SLC22A23: variants seen among roughly 807,000 people sequenced by gnomAD.
The protein encoded by SLC22A23 is ion transporter protein.
Under a neutral mutation model 61.0 loss-of-function variants are expected in SLC22A23, and 26 were observed. The ratio of observed to expected loss-of-function variants is 0.43; its 90% CI spans 0.31 to 0.59. SLC22A23 has a LOEUF of 0.59. Ranked by LOEUF, SLC22A23 falls within the 20% of genes least tolerant of loss-of-function variation. SLC22A23 has a pLI of 0.11. For synonymous variants in SLC22A23, 430 were observed against 413.9 expected (o/e 1.04, Z -0.47); for missense variants, 796 against 934.7 (o/e 0.85, Z 1.94).
Position 3,286,171 on chromosome 6 carries a change from T to C in SLC22A23, c.1546+688A>G, listed in dbSNP as rs1333744873. On this transcript the variant is annotated intron_variant, in intron 7 of 9. Coordinates refer to ENST00000406686, the MANE Select transcript of SLC22A23 (RefSeq NM_015482.2). The surrounding 1 kb of genome is among the most constrained non-coding windows in gnomAD (Gnocchi z 4.2). ...TGGAGTGCAGTGCTGCGATCTCAGCTTACTGCAACCTCTGCCTCCCAAGTT... is the reference window on the plus strand; with the variant it reads ...TGGAGTGCAGTGCTGCGATCTCAGCCTACTGCAACCTCTGCCTCCCAAGTT... Among the ~76,000 whole-genome samples the C allele has an allele frequency of 2.6e-5, 4 of 152,042 alleles. No homozygotes were observed. The highest frequency in any genetic ancestry group is 5.9e-5 in the Non-Finnish European group (4 of 67,990).
At chr6:3,420,232 GAAAA>G (rs34794008) in intron 1 of SLC22A23, among the ~76,000 whole-genome samples, 1 of 102,698 alleles carries the variant, frequency 9.7e-6, no homozygotes, top group African/African-American at 3.6e-5. Context: ...AGCAAAATGA[GAAAA>G]AAAAAAAAAA....
intron 2 of SLC22A23, among the ~76,000 whole-genome samples, chr6:3,411,690 T>A (rs1366514118): frequency 1.3e-5 from 2 of 151,814 alleles, no homozygotes; most frequent in Non-Finnish European, 2.9e-5. Context: ...TTTAAGAAAA[T>A]ACAGGGAAAG....
At chr6:3,422,172 A>G (rs1481632086) in intron 1 of SLC22A23, among the ~76,000 whole-genome samples, 4 of 152,338 alleles carry the variant, frequency 2.6e-5, no homozygotes, top group South Asian at 4.1e-4. Flanking sequence ...AGTAAAACAA[A>G]GTTCCTGACT....
At chr6:3,431,197 G>A (rs1443245668) in intron 1 of SLC22A23, among the ~76,000 whole-genome samples, 1 of 152,228 alleles carries the variant, frequency 6.6e-6, no homozygotes, top group Non-Finnish European at 1.5e-5. Flanking sequence ...TGAGTGAGAT[G>A]GGCGTGGGGG....
intron 3 of SLC22A23, among the ~76,000 whole-genome samples, chr6:3,374,477 G>T (rs1379137656): frequency 6.6e-6 from 1 of 152,232 alleles, no homozygotes; most frequent in Non-Finnish European, 1.5e-5. Context: ...CATGAGCAAA[G>T]TGCTGGAGCC....
intron 1 of SLC22A23, among the ~76,000 whole-genome samples, chr6:3,448,355 A>G (rs1464834605): frequency 6.6e-6 from 1 of 152,224 alleles, no homozygotes; most frequent in Non-Finnish European, 1.5e-5. Flanking sequence ...AGCTGCCAGC[A>G]TGACATTACT....
intron 6 of SLC22A23, 46 bp downstream of exon 6, chr6:3,289,718 C>A: frequency 6.5e-7 from 1 of 1,535,256 alleles, no homozygotes; most frequent in Non-Finnish European, 9.0e-7. Flanking sequence ...CCACCTTCTT[C>A]CCTGGCCCCC....
intron 9 of SLC22A23, 85 bp from the exon 10 acceptor site, chr6:3,273,497 C>T (rs544341695): frequency 1.6e-5 from 23 of 1,465,358 alleles, no homozygotes; most frequent in Non-Finnish European, 2.0e-5. Context: ...CAGGAAGCCA[C>T]CTCTGCAGGG....
chr6:3,438,479 C>T, intron 1 of SLC22A23: 1 of 456,372 alleles, frequency 2.2e-6, no homozygotes, highest in Non-Finnish European at 4.4e-6. Context: ...GTAAACAGTG[C>T]TTACGTTCAG....
Position 3,272,287 on chromosome 6 carries a change from A to C in SLC22A23, c.*768T>G, listed in dbSNP as rs1484003306. The C allele has an allele frequency of 6.5e-6, 1 of 152,776 alleles. No homozygotes were observed. Among genetic ancestry groups the C allele is most frequent in the East Asian group, 1.9e-4 (1 of 5,332 alleles). 9.5% of individuals were successfully genotyped at this position (152,776 alleles called of 1,614,324 possible). On this transcript the variant is annotated 3_prime_UTR_variant, in exon 10 of 10. Transcript: ENST00000406686. ...GGAGGAATAAAAACGAGCACATCTC[A>C]GGTCTCGACGCATCTGTTAGCTGTG...
chr6:3,395,697 A>G (rs538321048), intron 3 of SLC22A23, among the ~76,000 whole-genome samples: 10 of 152,314 alleles, frequency 6.6e-5, no homozygotes, highest in Non-Finnish European at 1.0e-4. Context: ...AATCACTGCC[A>G]TCTCAGATGG....
intron 3 of SLC22A23, among the ~76,000 whole-genome samples, chr6:3,332,145 G>T (rs796832679): frequency 1.6e-4 from 24 of 152,324 alleles, no homozygotes; most frequent in African/African-American, 5.8e-4. Flanking sequence ...ATTACTTCAA[G>T]CTCTGTCCCA....
chr6:3,278,700 T>C (rs1483433245), intron 9 of SLC22A23, among the ~76,000 whole-genome samples: 3 of 152,224 alleles, frequency 2.0e-5, no homozygotes. Context: ...AATCCTTCTG[T>C]AAGATGAAGA....
chr6:3,422,361 T>C (rs1159057046), intron 1 of SLC22A23, among the ~76,000 whole-genome samples: 1 of 151,996 alleles, frequency 6.6e-6, no homozygotes, highest in South Asian at 2.1e-4. Flanking sequence ...GGAAGATGAG[T>C]CACAGACGGA....
rs1322264363 is a variant in SLC22A23, at chr6:3,324,791, AAC to A, written c.914-791_914-790del. On this transcript the variant is annotated intron_variant, in intron 3 of 9. Transcript: ENST00000406686. This position sits in a 1 kb window ranked among gnomAD's most constrained non-coding sequence, Gnocchi z 4.3. ...TCATCTTTGTAGCTCCAAAACCAAA[AAC>A]AGTGTCTATTTTCAACAAATGACCA... Among the ~76,000 whole-genome samples, 2 of 152,232 alleles carry A rather than the reference AAC, an allele frequency of 1.3e-5. No individual in the cohort carries two copies. Among genetic ancestry groups the A allele is most frequent in the Non-Finnish European group, 2.9e-5 (2 of 68,038 alleles).
intron 1 of SLC22A23, among the ~76,000 whole-genome samples, chr6:3,418,673 A>T (rs1055776760): frequency 2.6e-5 from 4 of 152,234 alleles, no homozygotes; most frequent in Admixed American, 1.3e-4. Flanking sequence ...AGAGCAAGGC[A>T]GCCACCTGCT....
chr6:3,438,640 C>A, intron 1 of SLC22A23: 1 of 408,280 alleles, frequency 2.4e-6, no homozygotes, highest in Non-Finnish European at 4.9e-6. Context: ...CTTTTACTTC[C>A]AAACAAACGT....
chr6:3,276,631 C>G (rs918273811), intron 9 of SLC22A23: 2 of 152,366 alleles, frequency 1.3e-5, no homozygotes, highest in Non-Finnish European at 2.9e-5. Flanking sequence ...GTCTGGTGCT[C>G]GCTCTGTGAG....
At chr6:3,281,140 A>G (rs1759441839) in intron 9 of SLC22A23, among the ~76,000 whole-genome samples, 1 of 152,208 alleles carries the variant, frequency 6.6e-6, no homozygotes, top group Non-Finnish European at 1.5e-5. Flanking sequence ...CAGCACAGCC[A>G]GCAGCTGCTT....
Sources: allele counts gnomAD v4.1 joint callset (sites outside exome capture counted in the v4.1 genomes callset), GRCh38; gene constraint gnomAD v4.1.1; non-coding constraint Gnocchi (gnomAD v3.1); transcripts MANE v1.5; gene names NCBI Gene and HGNC (gene_info 2026-07-23, HGNC 2026-07-21).